GFOD1: variants seen among roughly 807,000 people sequenced by gnomAD.
GFOD1 encodes the protein Gfo/Idh/MocA-like oxidoreductase domain containing 1.
GFOD1 carries 9 observed loss-of-function variants against 25.4 expected under a neutral mutation model. The ratio of observed to expected loss-of-function variants is 0.35; its 90% confidence interval spans 0.21 to 0.62. The LOEUF is 0.62. Among genes scored for constraint, GFOD1 ranks in the 20% least tolerant of loss-of-function variants. The pLI, the probability that GFOD1 is intolerant of heterozygous loss-of-function variation, is 0.72. For missense variants in GFOD1, 403 were observed against 556.9 expected (o/e 0.72, Z 2.78); for synonymous variants, 253 against 245.6 (o/e 1.03, Z -0.28).
chr6:13,382,153 C>A (rs1042968473), intron 1 of GFOD1, among the ~76,000 whole-genome samples: 14 of 152,082 alleles, frequency 9.2e-5, no homozygotes, highest in African/African-American at 2.7e-4. Flanking sequence ...TAATCTGGCT[C>A]TGTGTATCTG....
At chr6:13,387,894 A>C (rs1785509002) in intron 1 of GFOD1, among the ~76,000 whole-genome samples, 1 of 152,240 alleles carries the variant, frequency 6.6e-6, no homozygotes, top group South Asian at 2.1e-4. Context: ...AAATCCCCTT[A>C]AGCTGATAGG....
intron 1 of GFOD1, among the ~76,000 whole-genome samples, chr6:13,484,597 G>A (rs992209800): frequency 3.9e-5 from 6 of 152,156 alleles, no homozygotes; most frequent in Admixed American, 6.5e-5. Flanking sequence ...GCCTCTTATC[G>A]CTGGTTTTGA....
At position 13,411,107 on chromosome 6, in the gene GFOD1, G is replaced by A. The variant is rs181850149; in HGVS notation, c.254-45445C>T. The stretch of plus-strand genomic sequence containing the variant: ...ATTGCGTTATAGGACAAATGAGACT[G>A]TCAGCAGGAATGGTGAAAAACAGAA... On this transcript the variant is annotated intron_variant, in intron 1 of 1. Transcript: ENST00000379287. Among the ~76,000 whole-genome samples, 103 of 152,302 alleles carry A rather than the reference G, an allele frequency of 6.8e-4. 1 individual carries two copies. Among genetic ancestry groups the A allele is most frequent in the African/African-American group, 2.4e-3 (100 of 41,546 alleles).
chr6:13,409,174 AGAGAG>A (rs1562209534), intron 1 of GFOD1, among the ~76,000 whole-genome samples: 5 of 54,066 alleles, frequency 9.2e-5, no homozygotes, highest in Non-Finnish European at 2.1e-4. Context: ...AAGGAAAGAG[AGAGAG>A]AGAGAGAAAG....
intron 1 of GFOD1, among the ~76,000 whole-genome samples, chr6:13,481,348 C>G (rs1050487497): frequency 6.6e-6 from 1 of 152,174 alleles, no homozygotes; most frequent in Non-Finnish European, 1.5e-5. Flanking sequence ...TGAGCTGGTG[C>G]AAAGGCCAAG....
At chr6:13,372,546 C>CT (rs1785172999) in intron 1 of GFOD1, among the ~76,000 whole-genome samples, 2 of 152,166 alleles carry the variant, frequency 1.3e-5, no homozygotes, top group Non-Finnish European at 2.9e-5. Flanking sequence ...TTTGGTGGGG[C>CT]TGACACTTGA....
chr6:13,427,728 C>T (rs1757666208), intron 1 of GFOD1, among the ~76,000 whole-genome samples: 1 of 152,186 alleles, frequency 6.6e-6, no homozygotes, highest in Non-Finnish European at 1.5e-5. Context: ...ATCTACATTT[C>T]ACAAATGTGA....
In GFOD1 at chr6:13,365,243, T is replaced by C; in HGVS notation, c.673A>G (p.Met225Val). 6.2e-7 allele frequency: 1 copy of C among 1,614,166 alleles called. No individual in the cohort carries two copies. Among genetic ancestry groups the C allele is most frequent in the Non-Finnish European group, 8.5e-7 (1 of 1,180,024 alleles). ...ITSDDFCTFQMVLEGGVCCTV... is the reference protein window; with the variant it reads ...ITSDDFCTFQVVLEGGVCCTV... ...CAGCACACCCCGCCCTCCAGCACCA[T>C]CTGGAAGGTGCAGAAGTCATCGCTG... The change falls in exon 2 of 2, where the codon ATG becomes GTG. Residue 225 changes from methionine to valine, a missense_variant. By Grantham distance (21) the Met-to-Val change is conservative. Coordinates refer to ENST00000379287, the MANE Select transcript of GFOD1 (RefSeq NM_018988.4). The surrounding 1 kb of genome is among the most constrained non-coding windows in gnomAD (Gnocchi z 9.2).
intron 1 of GFOD1, among the ~76,000 whole-genome samples, chr6:13,459,026 C>T (rs1196892086): frequency 6.6e-6 from 1 of 152,150 alleles, no homozygotes; most frequent in Non-Finnish European, 1.5e-5. Context: ...GAATTGGAAA[C>T]TTAATCCCCA....
intron 1 of GFOD1, among the ~76,000 whole-genome samples, chr6:13,475,199 A>G (rs930960203): frequency 1.3e-5 from 2 of 152,224 alleles, no homozygotes; most frequent in Non-Finnish European, 2.9e-5. Flanking sequence ...GCTGTTCAAC[A>G]TCATTAATTA....
intron 1 of GFOD1, among the ~76,000 whole-genome samples, chr6:13,425,857 T>G (rs1786341863): frequency 7.2e-6 from 1 of 139,772 alleles, no homozygotes. Flanking sequence ...ATACTAATGA[T>G]AGCTGATAAG....
chr6:13,391,527 A>AAG (rs1180938122), intron 1 of GFOD1, among the ~76,000 whole-genome samples: 8 of 151,676 alleles, frequency 5.3e-5, no homozygotes, highest in Non-Finnish European at 8.8e-5. Flanking sequence ...AAAAAAAAAA[A>AAG]AAAGAAAGAG....
intron 1 of GFOD1, among the ~76,000 whole-genome samples, chr6:13,427,329 T>C (rs1757657405): frequency 1.3e-5 from 2 of 152,118 alleles, no homozygotes. Context: ...GTAACAGACA[T>C]AGAAAACTGT....
chr6:13,365,623 G>A lies in GFOD1; in HGVS notation c.293C>T (p.Pro98Leu). The change falls in exon 2 of 2, where the codon CCG becomes CTG. Residue 98 changes from proline to leucine, a missense_variant. Pro to Leu is a moderately conservative substitution (Grantham distance 98). Coordinates refer to ENST00000379287, the MANE Select transcript of GFOD1 (RefSeq NM_018988.4). This position sits in a 1 kb window ranked among gnomAD's most constrained non-coding sequence, Gnocchi z 9.2. Reference protein sequence around the residue: ...KNVICDRTATPLDAFRMTSAA... With the variant: ...KNVICDRTATLLDAFRMTSAA... ...CGAGGTCATGCGGAAAGCGTCCAGCGGCGTGGCCGTGCGGTCGCAGATGAC... is the reference window on the plus strand; with the variant it reads ...CGAGGTCATGCGGAAAGCGTCCAGCAGCGTGGCCGTGCGGTCGCAGATGAC... The A allele has an allele frequency of 2.5e-6, 4 of 1,600,688 alleles. No homozygotes were observed. Among genetic ancestry groups the A allele is most frequent in the African/African-American group, 2.7e-5 (2 of 75,022 alleles).
chr6:13,374,728 CTTTT>C (rs147560408), intron 1 of GFOD1, among the ~76,000 whole-genome samples: 1 of 66,780 alleles, frequency 1.5e-5, no homozygotes, highest in Non-Finnish European at 3.0e-5. Flanking sequence ...CATCTCAAAT[CTTTT>C]TTTTTTTTTT....
At chr6:13,453,366 T>C (rs2127574183) in intron 1 of GFOD1, among the ~76,000 whole-genome samples, 1 of 152,358 alleles carries the variant, frequency 6.6e-6, no homozygotes. Context: ...TGCACCTCAC[T>C]ACCTAGCAAA....
rs1784904785 is a variant in GFOD1, at chr6:13,358,704, A to T, written c.*6039T>A. On this transcript the variant is annotated 3_prime_UTR_variant, in exon 2 of 2. Coordinates refer to ENST00000379287, the MANE Select transcript of GFOD1 (RefSeq NM_018988.4). ...TTAGCCCTTGTGGTGGCTGCAGGGG[A>T]CAGTAGAGACCTGGAAGGGGAAGGA... is the stretch of plus-strand genomic sequence containing the variant. 1 of 152,344 alleles carries T rather than the reference A, an allele frequency of 6.6e-6. No individual in the cohort carries two copies. Among genetic ancestry groups the T allele is most frequent in the Admixed American group, 6.5e-5 (1 of 15,290 alleles). The allele number at this position is 152,344 out of a possible 1,614,324, so 9.4% of individuals were successfully genotyped here. A position where few individuals can be genotyped will look rare whatever the true frequency, so the allele number is the denominator to read the frequency against.
chr6:13,458,290 G>C (rs1310322329), intron 1 of GFOD1, among the ~76,000 whole-genome samples: 1 of 152,014 alleles, frequency 6.6e-6, no homozygotes, highest in Non-Finnish European at 1.5e-5. Context: ...GCTAATTTTT[G>C]TATTTTTAGT....
chr6:13,448,722 C>T (rs891335827), intron 1 of GFOD1, among the ~76,000 whole-genome samples: 4 of 152,206 alleles, frequency 2.6e-5, no homozygotes, highest in African/African-American at 7.2e-5. Context: ...GTCAGTGTCT[C>T]GCACCACTAA....
Sources: allele counts gnomAD v4.1 joint callset (sites outside exome capture counted in the v4.1 genomes callset), GRCh38; gene constraint gnomAD v4.1.1; non-coding constraint Gnocchi (gnomAD v3.1); transcripts MANE v1.5; gene names NCBI Gene and HGNC (gene_info 2026-07-23, HGNC 2026-07-21).